The following ZNF493 variants were observed in gnomAD, a reference collection of about 807,000 sequenced individuals.
The protein encoded by ZNF493 is zinc finger protein 493.
In ZNF493, 11 loss-of-function variants were observed where a neutral mutation model predicts 12.2. The observed-to-expected ratio is 0.90, with a 90% CI of 0.57 to 1.50. The LOEUF (loss-of-function observed/expected upper bound fraction) is 1.50, where lower values mean the gene tolerates loss of function less well. ZNF493 is among the 40% of genes most tolerant of loss of function. ZNF493 has a pLI of 0.00. For missense variants in ZNF493, 950 were observed against 906.6 expected (o/e 1.05, Z -0.61); for synonymous variants, 286 against 302.6 (o/e 0.95, Z 0.57).
At chr19:21,413,296 A>G in intron 3 of ZNF493, 1 of 399,444 alleles carries the variant, frequency 2.5e-6, no homozygotes, top group Non-Finnish European at 4.4e-6. Context: ...TGTGTCATAG[A>G]GTGATTACAT....
chr19:21,408,490 C>T (rs2030211325), intron 3 of ZNF493: 1 of 983,534 alleles, frequency 1.0e-6, no homozygotes, highest in East Asian at 1.1e-4. Flanking sequence ...TATAATTATA[C>T]TGCATATTCT....
In ZNF493 at chr19:21,423,010, TAAGGATTTACAGTTAAG is replaced by T; in HGVS notation, c.354_370del (p.Asp119ArgfsTer3). On this transcript the variant is annotated frameshift_variant, in exon 4 of 4. Transcript: ENST00000392288. LOFTEE classifies it low-confidence loss of function (END_TRUNC). The stretch of plus-strand genomic sequence containing the variant: ...TGAGAGAATATGTAAAATGTGGACA[TAAGGATTTACAGTTAAG>T]AAAAGGATGTAAAAGTATGAATGAG... 1 of 1,612,396 alleles carries T rather than the reference TAAGGATTTACAGTTAAG, an allele frequency of 6.2e-7. No homozygotes were observed. The highest frequency in any genetic ancestry group is 2.2e-5 in the East Asian group (1 of 44,786).
In ZNF493 at chr19:21,422,926, T is replaced by C. The variant is rs1599381054; in HGVS notation, c.267T>C (p.His89=). 6.4e-7 allele frequency: 1 copy of C among 1,556,390 alleles called. No individual in the cohort carries two copies. The highest frequency in any genetic ancestry group is 8.6e-7 in the Non-Finnish European group (1 of 1,156,528). Residue 89 remains histidine (H), a synonymous_variant, in exon 4 of 4, where the codon CAT becomes CAC. Coordinates refer to ENST00000392288, the MANE Select transcript of ZNF493 (RefSeq NM_001076678.3). The stretch of plus-strand genomic sequence containing the variant: ...TATTTCTTTCAGTTATATGTTCTCA[T>C]TTTGCTGAAGACTTTTGCCCAGGGC... The part of the protein sequence containing the change: ...TVVKPPVICS[H]FAEDFCPGPG...
chr19:21,399,899 T>C (rs1381149170), intron 1 of ZNF493, among the ~76,000 whole-genome samples: 1 of 152,192 alleles, frequency 6.6e-6, no homozygotes, highest in African/African-American at 2.4e-5. Context: ...GTTCCTTTTT[T>C]TGCAAGGTAA....
chr19:21,421,737 T>G (rs148814987), intron 3 of ZNF493, among the ~76,000 whole-genome samples: 274 of 152,362 alleles, frequency 1.8e-3, no homozygotes, highest in Non-Finnish European at 3.1e-3. Flanking sequence ...GGCTTTCTCC[T>G]GGCATACTTT....
chr19:21,412,854 G>C (rs1282896176), intron 3 of ZNF493: 1 of 342,612 alleles, frequency 2.9e-6, no homozygotes, highest in East Asian at 1.1e-4. Flanking sequence ...CCCAAATTTT[G>C]ATCTTATTAA....
Position 21,425,162 on chromosome 19 carries a change from A to G in ZNF493, c.*178A>G. On this transcript the variant is annotated 3_prime_UTR_variant, in exon 4 of 4. Transcript: ENST00000392288. The stretch of plus-strand genomic sequence containing the variant: ...TCTCATACCTTACTAAATATAAGAT[A>G]ATTCATATTGGAGAGAAATTCTACA... 1 of 787,962 alleles carries G rather than the reference A, an allele frequency of 1.3e-6. No individual in the cohort carries two copies. The highest frequency in any genetic ancestry group is 2.1e-6 in the Non-Finnish European group (1 of 474,346). 48.8% of individuals were successfully genotyped at this position (787,962 alleles called of 1,614,324 possible). A position where few individuals can be genotyped will look rare whatever the true frequency, so the allele number is the denominator to read the frequency against.
At chr19:21,400,635 C>A (rs1158221297) in intron 1 of ZNF493, among the ~76,000 whole-genome samples, 1 of 152,092 alleles carries the variant, frequency 6.6e-6, no homozygotes, top group Non-Finnish European at 1.5e-5. Context: ...GCCTCCCCTG[C>A]AGATGTTCCA....
At chr19:21,422,654 A>G (rs2030715484) in intron 3 of ZNF493, among the ~76,000 whole-genome samples, 1 of 151,962 alleles carries the variant, frequency 6.6e-6, no homozygotes, top group African/African-American at 2.4e-5. Context: ...CATGTTGGGT[A>G]AATGTAACAA....
At chr19:21,399,015 T>C (rs935805176) in intron 1 of ZNF493, 1 of 153,992 alleles carries the variant, frequency 6.5e-6, no homozygotes, top group Non-Finnish European at 1.4e-5. Flanking sequence ...ACTGGGACAG[T>C]CACCAAGAAA....
At chr19:21,419,959 C>T (rs562281981) in intron 3 of ZNF493, among the ~76,000 whole-genome samples, 1 of 152,096 alleles carries the variant, frequency 6.6e-6, no homozygotes, top group Non-Finnish European at 1.5e-5. Flanking sequence ...TTGACCATAC[C>T]CACTAAAAAT....
At chr19:21,397,975 AT>A (rs913062907) in intron 1 of ZNF493, 42 of 150,482 alleles carry the variant, frequency 2.8e-4, no homozygotes, top group East Asian at 2.0e-3. Flanking sequence ...CCTGAGTTAG[AT>A]TTTTTTTTTA....
intron 3 of ZNF493, among the ~76,000 whole-genome samples, chr19:21,418,697 A>G (rs575182505): frequency 6.6e-6 from 1 of 152,370 alleles, no homozygotes; most frequent in African/African-American, 2.4e-5. Context: ...ACAGCAAGCC[A>G]GTCATTAGCA....
At chr19:21,408,822 C>T (rs1428467836) in intron 3 of ZNF493, 1 of 976,850 alleles carries the variant, frequency 1.0e-6, no homozygotes, top group Non-Finnish European at 1.2e-6. Context: ...GTGTGTTTAT[C>T]TATAAATATG....
intron 3 of ZNF493, among the ~76,000 whole-genome samples, chr19:21,422,381 CTTTT>C (rs36187718): frequency 7.4e-6 from 1 of 135,254 alleles, no homozygotes; most frequent in South Asian, 2.3e-4. Context: ...TTTTACTAGT[CTTTT>C]TTTTTTTTTA....
intron 3 of ZNF493, among the ~76,000 whole-genome samples, chr19:21,420,324 T>A (rs946296600): frequency 1.3e-5 from 2 of 151,892 alleles, no homozygotes; most frequent in Non-Finnish European, 1.5e-5. Context: ...CTTCCTTATT[T>A]TGTTTTGTGT....
intron 3 of ZNF493, among the ~76,000 whole-genome samples, chr19:21,411,354 A>C (rs1468910695): frequency 3.9e-5 from 6 of 152,068 alleles, no homozygotes; most frequent in Non-Finnish European, 5.9e-5. Context: ...GTGTTTTGAA[A>C]TCAGAAAGTA....
chr19:21,425,009 C>T lies in ZNF493; in HGVS notation c.*25C>T, dbSNP rs763461935. On this transcript the variant is annotated 3_prime_UTR_variant, in exon 4 of 4. Transcript: ENST00000392288. The stretch of plus-strand genomic sequence containing the variant: ...AAGAATGTGGCAAAGGCCTTTACTG[C>T]TCCTATTCCCTTACTAAAGAATGTG... The T allele has an allele frequency of 6.4e-6, 10 of 1,570,082 alleles. No individual in the cohort carries two copies. The highest frequency in any genetic ancestry group is 2.2e-5 in the East Asian group (1 of 44,496).
intron 3 of ZNF493, among the ~76,000 whole-genome samples, chr19:21,420,717 C>T (rs1217030185): frequency 5.5e-5 from 7 of 126,184 alleles, no homozygotes; most frequent in African/African-American, 1.8e-4. Flanking sequence ...TGAGAATCCA[C>T]TTGCTATCTC....
Sources: allele counts gnomAD v4.1 joint callset (sites outside exome capture counted in the v4.1 genomes callset), GRCh38; gene constraint gnomAD v4.1.1; transcripts MANE v1.5; gene names NCBI Gene and HGNC (gene_info 2026-07-23, HGNC 2026-07-21).